The following ELP6 variants were observed in gnomAD, a reference collection of about 807,000 sequenced individuals.
ELP6 encodes the protein elongator complex protein 6.
ELP6 carries 23 observed loss-of-function variants against 28.1 expected under a neutral mutation model. The ratio of observed to expected loss-of-function variants is 0.82; its 90% CI spans 0.59 to 1.16. The LOEUF (loss-of-function observed/expected upper bound fraction) is 1.16. Ranked by LOEUF, ELP6 falls within the 50% of genes most tolerant of loss-of-function variation. The probability of loss-of-function intolerance (pLI) is 0.00; values close to 1 mark genes in which losing one functional copy is unlikely to be tolerated. For synonymous variants in ELP6, 132 were observed against 135.8 expected (o/e 0.97, Z 0.19); for missense variants, 313 against 334.6 (o/e 0.94, Z 0.50).
chr3:47,507,967 C>T (rs1291486999), intron 3 of ELP6, among the ~76,000 whole-genome samples: 3 of 90,110 alleles, frequency 3.3e-5, no homozygotes, highest in Non-Finnish European at 7.9e-5. Context: ...TTTAGATATG[C>T]GAACACACAG....
intron 6 of ELP6, chr3:47,497,206 A>G (rs1254317055): frequency 1.0e-6 from 1 of 985,282 alleles, no homozygotes; most frequent in Admixed American, 6.2e-5. Flanking sequence ...CAGCCCATTT[A>G]GAGGGGTAGA....
At chr3:47,498,469 G>A (rs570701051) in intron 5 of ELP6, 37 bp from the exon 6 acceptor site, 1 of 1,603,958 alleles carries the variant, frequency 6.2e-7, no homozygotes, top group Non-Finnish European at 8.5e-7. Context: ...GCTCCTTACT[G>A]GAAAGGACAC....
chr3:47,501,989 G>C, intron 4 of ELP6, 138 bp from the exon 5 acceptor site: 1 of 803,242 alleles, frequency 1.2e-6, no homozygotes, highest in South Asian at 1.8e-5. Context: ...TTCATGATCT[G>C]GTTAGAAAGA....
At chr3:47,511,514 G>GTTGAC in intron 1 of ELP6, 1 of 1,190,372 alleles carries the variant, frequency 8.4e-7, no homozygotes, top group Non-Finnish European at 1.0e-6. Flanking sequence ...CACTTCTCAT[G>GTTGAC]TTAGTCACTC....
At chr3:47,504,540 A>G (rs890879699) in intron 3 of ELP6, 92 bp from the exon 4 acceptor site, 2 of 1,436,520 alleles carry the variant, frequency 1.4e-6, no homozygotes, top group Non-Finnish European at 1.8e-6. Context: ...GACACCTTCC[A>G]AACTTGGCAG....
At chr3:47,503,390 A>C (rs913106874) in intron 4 of ELP6, 35 of 1,289,652 alleles carry the variant, frequency 2.7e-5, no homozygotes, top group Non-Finnish European at 3.3e-5. Flanking sequence ...AAGCAGGAAA[A>C]CCAGTCTCAG....
At chr3:47,509,484 G>A (rs1387848347) in intron 3 of ELP6, among the ~76,000 whole-genome samples, 2 of 152,226 alleles carry the variant, frequency 1.3e-5, no homozygotes, top group Admixed American at 6.5e-5. Flanking sequence ...TGAGGGGCAG[G>A]AAACGAAAGT....
intron 1 of ELP6, chr3:47,511,844 T>C: frequency 1.0e-6 from 1 of 985,690 alleles, no homozygotes; most frequent in Middle Eastern, 5.2e-4. Context: ...TTTCTGTCAG[T>C]GACAGGGAAG....
At chr3:47,498,766 A>C in intron 5 of ELP6, 1 of 949,312 alleles carries the variant, frequency 1.1e-6, no homozygotes, top group Non-Finnish European at 1.3e-6. Flanking sequence ...TTCAGTCAAC[A>C]GTTCCTGAAT....
chr3:47,513,387 C>T, intron 1 of ELP6, 150 bp downstream of exon 1: 1 of 1,432,200 alleles, frequency 7.0e-7, no homozygotes, highest in African/African-American at 1.5e-5. Flanking sequence ...CCAGTCCAAT[C>T]CCCGGGTCGA....
intron 5 of ELP6, 99 bp downstream of exon 5, chr3:47,501,551 C>G (rs1708650483): frequency 7.7e-7 from 1 of 1,300,282 alleles, no homozygotes; most frequent in African/African-American, 1.5e-5. Flanking sequence ...AGCCAAAACC[C>G]CAAGCAAATA....
intron 3 of ELP6, among the ~76,000 whole-genome samples, chr3:47,506,056 G>T (rs1294017467): frequency 6.6e-6 from 1 of 152,294 alleles, no homozygotes; most frequent in South Asian, 2.1e-4. Context: ...ACAAAAGAGA[G>T]AAATTTTAAA....
At chr3:47,497,796 G>T in intron 6 of ELP6, 1 of 197,980 alleles carries the variant, frequency 5.1e-6, no homozygotes, top group African/African-American at 2.4e-5. Context: ...GCCGGGCATG[G>T]CAGTGGGTGC....
chr3:47,512,984 C>T, intron 1 of ELP6: 2 of 975,986 alleles, frequency 2.0e-6, no homozygotes, highest in Non-Finnish European at 2.4e-6. Context: ...GCCATGCTTC[C>T]CAGGTACTTT....
Position 47,513,595 on chromosome 3 carries a change from A to C in ELP6, c.-5T>G. 6.2e-7 allele frequency: 1 copy of C among 1,613,252 alleles called. No homozygotes were observed. Among genetic ancestry groups the C allele is most frequent in the Non-Finnish European group, 8.5e-7 (1 of 1,179,618 alleles). Reference sequence around the variant, plus strand: ...GTTATTAAGTTCCACGAACATTCCGAGCTCCTGGGACTAGCGCTCTGGAGG... The same window carrying C: ...GTTATTAAGTTCCACGAACATTCCGCGCTCCTGGGACTAGCGCTCTGGAGG... On this transcript the variant is annotated 5_prime_UTR_variant, in exon 1 of 7. Coordinates refer to ENST00000296149, the MANE Select transcript of ELP6 (RefSeq NM_001031703.3).
chr3:47,503,330 G>C (rs142128411), intron 4 of ELP6: 1 of 1,289,258 alleles, frequency 7.8e-7, no homozygotes, highest in Non-Finnish European at 1.0e-6. Flanking sequence ...GCAGCCAAGC[G>C]GGGAGTCTTC....
In ELP6 at chr3:47,510,026, C is replaced by T. The variant is rs1576351310; in HGVS notation, c.204+158G>A. 1.4e-5 allele frequency: 8 copies of T among 581,996 alleles called. No homozygotes were observed. In the East Asian group the frequency reaches 2.1e-4, roughly 15 times the overall value. 36.1% of individuals were successfully genotyped at this position (581,996 alleles called of 1,614,324 possible). A position where few individuals can be genotyped will look rare whatever the true frequency, so the allele number is the denominator to read the frequency against. ...CTGCCCATCTTGGCCTCCCAAAGTG[C>T]TGGGATTACAGGCGTGAGCCACCAC... On this transcript the variant is annotated intron_variant, in intron 3 of 6. Transcript: ENST00000296149.
intron 1 of ELP6, chr3:47,512,145 CTACAA>C (rs1405828970): frequency 2.2e-6 from 2 of 903,014 alleles, no homozygotes; most frequent in East Asian, 2.4e-4. Flanking sequence ...CTACTGAAAG[CTACAA>C]TTTGGCGCTA....
At chr3:47,501,574 C>A (rs773130914) in intron 5 of ELP6, 76 bp downstream of exon 5, 5 of 1,434,564 alleles carry the variant, frequency 3.5e-6, no homozygotes, top group African/African-American at 1.4e-5. Flanking sequence ...AAGATCACAG[C>A]AAGCAAGTGA....
Sources: gnomAD v4.1 joint callset for allele counts (sites outside exome capture counted in the v4.1 genomes callset) on GRCh38, gnomAD v4.1.1 for gene constraint, MANE v1.5 for transcripts, NCBI Gene and HGNC (gene_info 2026-07-23, HGNC 2026-07-21) for gene names.